The following GPHN variants were observed in gnomAD, a reference collection of about 807,000 sequenced individuals.
The protein encoded by GPHN is gephyrin.
In GPHN, 17 loss-of-function variants were observed where a neutral mutation model predicts 95.5. That is an observed-to-expected ratio of 0.18 (90% CI 0.12 to 0.27). The LOEUF (loss-of-function observed/expected upper bound fraction) is 0.27, where lower values mean the gene tolerates loss of function less well. Among genes scored for constraint, GPHN ranks in the 10% least tolerant of loss-of-function variants. GPHN has a pLI of 1.00. For missense variants in GPHN, 660 were observed against 978.1 expected, an observed-to-expected ratio of 0.67 and a Z score of 4.34; for synonymous variants, 320 against 322.5, an observed-to-expected ratio of 0.99 and a Z score of 0.08.
intron 1 of GPHN, among the ~76,000 whole-genome samples, chr14:66,654,311 T>C (rs562822294): frequency 6.6e-6 from 1 of 152,036 alleles, no homozygotes; most frequent in Non-Finnish European, 1.5e-5. Flanking sequence ...GCATCTATGG[T>C]CTCGAACCCC....
the GPHN span, among the ~76,000 whole-genome samples, chr14:67,497,407 T>A: frequency 6.6e-6 from 1 of 151,988 alleles, no homozygotes; most frequent in South Asian, 2.1e-4. Context: ...TGGGCCCTCC[T>A]TCCAGTGCCG....
intron 5 of GPHN, among the ~76,000 whole-genome samples, chr14:66,897,388 A>G (rs1449602312): frequency 6.6e-6 from 1 of 151,892 alleles, no homozygotes; most frequent in African/African-American, 2.4e-5. Context: ...TGATAATTCT[A>G]TTTCTAGTTT....
chr14:66,983,034 A>C (rs537547736), intron 9 of GPHN, among the ~76,000 whole-genome samples: 1 of 152,126 alleles, frequency 6.6e-6, no homozygotes, highest in Non-Finnish European at 1.5e-5. Context: ...GGCGGATCAC[A>C]TAAGGTCAGG....
At chr14:66,581,330 T>C (rs2061159010) in intron 1 of GPHN, among the ~76,000 whole-genome samples, 1 of 151,792 alleles carries the variant, frequency 6.6e-6, no homozygotes, top group Admixed American at 6.6e-5. Flanking sequence ...ACCAAAGTTA[T>C]CAGCTTAAAA....
At chr14:66,572,873 GTATGATGTTAGCTGCACACTTTT>G (rs1342767524) in intron 1 of GPHN, among the ~76,000 whole-genome samples, 4 of 152,130 alleles carry the variant, frequency 2.6e-5, no homozygotes, top group African/African-American at 9.7e-5. Flanking sequence ...CTACTGTTGT[GTATGATGTTAGCTGCACACTTTT>G]CATATATGGT....
chr14:66,636,825 A>G (rs923483435), intron 1 of GPHN, among the ~76,000 whole-genome samples: 1 of 152,200 alleles, frequency 6.6e-6, no homozygotes, highest in Non-Finnish European at 1.5e-5. Context: ...TAAAAACACA[A>G]TTGGGTTTTA....
At chr14:66,809,476 G>A (rs2060675755) in intron 3 of GPHN, among the ~76,000 whole-genome samples, 1 of 152,080 alleles carries the variant, frequency 6.6e-6, no homozygotes, top group South Asian at 2.1e-4. Context: ...GATTCAAATA[G>A]ACTTCAGAAA....
At chr14:67,451,870 G>T in the GPHN span, among the ~76,000 whole-genome samples, 2 of 152,186 alleles carry the variant, frequency 1.3e-5, no homozygotes, top group African/African-American at 2.4e-5. Context: ...GGGGTGGAAT[G>T]ATATGGTTTG....
At position 66,955,889 on chromosome 14, in the gene GPHN, CT is replaced by C. The variant is rs563965545; in HGVS notation, c.829-9295del. Among the ~76,000 whole-genome samples the C allele has an allele frequency of 5.9e-3, 890 of 152,094 alleles. 7 individuals carry two copies. Among genetic ancestry groups the C allele is most frequent in the Non-Finnish European group, 9.4e-3 (636 of 67,978 alleles). ...TCCCTACAAAGGACATGAACTCATC[CT>C]TTTTTTATGGCTGCATAGTATTCCA... is the stretch of plus-strand genomic sequence containing the variant. On this transcript the variant is annotated intron_variant, in intron 8 of 22. Coordinates refer to ENST00000478722, the MANE Select transcript of GPHN (RefSeq NM_020806.5).
intron 18 of GPHN, among the ~76,000 whole-genome samples, chr14:67,152,971 A>G (rs2081368123): frequency 6.6e-6 from 1 of 151,416 alleles, no homozygotes. Flanking sequence ...GTCAAAAAAA[A>G]AAAAGGTTCA....
At chr14:66,738,745 T>C (rs2072518397) in intron 2 of GPHN, among the ~76,000 whole-genome samples, 1 of 152,152 alleles carries the variant, frequency 6.6e-6, no homozygotes. Flanking sequence ...CCATAATAAA[T>C]ATGTTAATTT....
At chr14:67,597,320 A>T in the GPHN span, among the ~76,000 whole-genome samples, 1 of 152,092 alleles carries the variant, frequency 6.6e-6, no homozygotes, top group Admixed American at 6.5e-5. Flanking sequence ...TCTACAAAAA[A>T]TACAAAAATT....
chr14:67,016,714 C>T (rs1316556725), intron 9 of GPHN, among the ~76,000 whole-genome samples: 2 of 152,044 alleles, frequency 1.3e-5, no homozygotes, highest in East Asian at 1.9e-4. Context: ...TTAGATTAAT[C>T]CTAGCAGAGC....
chr14:66,540,306 A>T (rs1182943526), intron 1 of GPHN, among the ~76,000 whole-genome samples: 1 of 152,186 alleles, frequency 6.6e-6, no homozygotes, highest in Admixed American at 6.5e-5. Context: ...TTTATATACC[A>T]TTGGCCAAAG....
the GPHN span, among the ~76,000 whole-genome samples, chr14:67,640,033 C>G: frequency 1.3e-5 from 2 of 150,954 alleles, no homozygotes; most frequent in Non-Finnish European, 2.9e-5. Flanking sequence ...CTTTCATTCT[C>G]TTAAGTCTAA....
At chr14:66,562,001 G>T (rs1369792959) in intron 1 of GPHN, among the ~76,000 whole-genome samples, 1 of 152,036 alleles carries the variant, frequency 6.6e-6, no homozygotes, top group Admixed American at 6.6e-5. Context: ...ACTGCCATTT[G>T]CCCTATTCTC....
chr14:67,630,017 A>C, the GPHN span, among the ~76,000 whole-genome samples: 53 of 152,284 alleles, frequency 3.5e-4, no homozygotes, highest in African/African-American at 1.2e-3. Flanking sequence ...CCTCGTTCTC[A>C]GTGTCTTCCT....
At chr14:66,696,499 C>A (rs1234026387) in intron 2 of GPHN, among the ~76,000 whole-genome samples, 1 of 152,190 alleles carries the variant, frequency 6.6e-6, no homozygotes, top group Admixed American at 6.5e-5. Context: ...AAGCAGCTGA[C>A]AACCTAGAAA....
chr14:67,078,377 C>T (rs2076574101), intron 11 of GPHN, among the ~76,000 whole-genome samples: 1 of 152,150 alleles, frequency 6.6e-6, no homozygotes, highest in Non-Finnish European at 1.5e-5. Flanking sequence ...TTCAGCTGCT[C>T]ACTGCTGTTT....
Sources: allele counts gnomAD v4.1 joint callset (sites outside exome capture counted in the v4.1 genomes callset), GRCh38; gene constraint gnomAD v4.1.1; transcripts MANE v1.5; gene names NCBI Gene and HGNC (gene_info 2026-07-23, HGNC 2026-07-21).